Variants in PCTP observed in about 807,000 individuals in gnomAD.
PCTP encodes the protein phosphatidylcholine transfer protein, also known as START domain-containing protein 2.
PCTP carries 27 observed loss-of-function variants against 31.0 expected under a neutral mutation model. The ratio of observed to expected loss-of-function variants is 0.87; its 90% CI spans 0.64 to 1.20. The LOEUF is 1.20. Among genes scored for constraint, PCTP ranks in the 50% most tolerant of loss-of-function variants. PCTP has a pLI of 0.00. For missense variants in PCTP, 287 were observed against 268.2 expected, an observed-to-expected ratio of 1.07 and a Z score of -0.49; for synonymous variants, 108 against 101.2, an observed-to-expected ratio of 1.07 and a Z score of -0.40.
chr17:55,847,937 T>G, the PCTP span, among the ~76,000 whole-genome samples: 11 of 152,268 alleles, frequency 7.2e-5, no homozygotes, highest in South Asian at 1.5e-3. Flanking sequence ...TTTTGTTTTT[T>G]TTTGAGACAG....
intron 2 of PCTP, 66 bp from the exon 3 acceptor site, chr17:55,771,040 T>C: frequency 1.6e-6 from 2 of 1,260,584 alleles, no homozygotes; most frequent in Non-Finnish European, 2.3e-6. Flanking sequence ...GCCTAAGAGG[T>C]CATACCCTTA....
rs79160487 is a variant in PCTP at position 55,795,318 on chromosome 17, C to T, written c.317+7664C>T. Among the ~76,000 whole-genome samples, 483 of 152,036 alleles carry T rather than the reference C, an allele frequency of 3.2e-3. 2 individuals carry two copies. The highest frequency in any genetic ancestry group is 0.011 in the African/African-American group (441 of 41,498). ...GCTTAAATTTAGGTCTGCACTCAAA[C>T]GAGAAAAATACTTGAGTATCAGTCA... On this transcript the variant is annotated intron_variant, in intron 3 of 3. Coordinates refer to the PCTP transcript ENST00000572536.
chr17:55,845,760 C>A (rs1196523692), downstream of PCTP, among the ~76,000 whole-genome samples: 4 of 152,092 alleles, frequency 2.6e-5, no homozygotes, highest in East Asian at 7.7e-4. Flanking sequence ...CGAGCCCCCC[C>A]GTGAGGCCCC....
downstream of PCTP, among the ~76,000 whole-genome samples, chr17:55,779,942 C>T (rs943787676): frequency 6.6e-5 from 10 of 152,166 alleles, no homozygotes; most frequent in African/African-American, 2.4e-4. Flanking sequence ...GCATACCCTC[C>T]CACACATCTG....
rs1174668952 is a variant in PCTP, at chr17:55,791,290, C to A, written c.317+3636C>A. 2.6e-5 allele frequency among the ~76,000 whole-genome samples: 4 copies of A among 151,408 alleles called. No individual in the cohort carries two copies. In the South Asian group the frequency reaches 6.3e-4, roughly 24 times the overall value. ...ACACCAACAGCAATGGCAACAAAAGCCAAAATTGACAAATGGGATCTAATT... is the reference window on the plus strand; with the variant it reads ...ACACCAACAGCAATGGCAACAAAAGACAAAATTGACAAATGGGATCTAATT... On this transcript the variant is annotated intron_variant, in intron 3 of 3. Transcript: ENST00000572536.
intron 3 of PCTP, among the ~76,000 whole-genome samples, chr17:55,792,255 A>G (rs1489451780): frequency 6.7e-6 from 1 of 150,340 alleles, no homozygotes; most frequent in Non-Finnish European, 1.5e-5. Context: ...ATGTATACAT[A>G]TGTAACTAAC....
intron 3 of PCTP, among the ~76,000 whole-genome samples, chr17:55,806,054 A>G (rs1219796440): frequency 1.3e-5 from 2 of 152,142 alleles, no homozygotes; most frequent in African/African-American, 4.8e-5. Context: ...CCTTAGAAAG[A>G]TAAATAACTT....
intron 1 of PCTP, among the ~76,000 whole-genome samples, chr17:55,766,963 G>A (rs1240671482): frequency 6.6e-6 from 1 of 152,176 alleles, no homozygotes; most frequent in Non-Finnish European, 1.5e-5. Context: ...TCTAACTGGT[G>A]TGAGATGGTA....
intron 3 of PCTP, among the ~76,000 whole-genome samples, chr17:55,799,775 C>CA (rs200957193): frequency 0.042 from 6,423 of 152,128 alleles, 442 homozygotes; most frequent in African/African-American, 0.14. Flanking sequence ...CTGGTGGTGA[C>CA]AAAATCTCTC....
intron 3 of PCTP, among the ~76,000 whole-genome samples, chr17:55,820,413 G>T (rs924713932): frequency 4.6e-5 from 7 of 152,306 alleles, no homozygotes; most frequent in African/African-American, 1.7e-4. Context: ...GGTGAGAGCT[G>T]CTCTGGGCTT....
chr17:55,772,019 C>T (rs555944982), intron 3 of PCTP, among the ~76,000 whole-genome samples: 38 of 152,320 alleles, frequency 2.5e-4, no homozygotes, highest in African/African-American at 8.9e-4. Context: ...GCCAACACTT[C>T]AAAGGTGTTC....
chr17:55,780,532 T>A (rs1422545178), downstream of PCTP, among the ~76,000 whole-genome samples: 1 of 152,234 alleles, frequency 6.6e-6, no homozygotes, highest in Admixed American at 6.5e-5. Context: ...TGTGCACATA[T>A]TCCATGTCCT....
At chr17:55,818,903 T>G (rs1235027747) in intron 3 of PCTP, among the ~76,000 whole-genome samples, 1 of 144,266 alleles carries the variant, frequency 6.9e-6, no homozygotes, top group Non-Finnish European at 1.5e-5. Context: ...AGGGAGGAGG[T>G]GGCAGATGCT....
chr17:55,789,527 A>G (rs1369929488), intron 3 of PCTP, among the ~76,000 whole-genome samples: 1 of 152,160 alleles, frequency 6.6e-6, no homozygotes, highest in Non-Finnish European at 1.5e-5. Flanking sequence ...TGTGTCTGCA[A>G]TGTTATCTCC....
chr17:55,845,615 C>T (rs986521619), downstream of PCTP, among the ~76,000 whole-genome samples: 1 of 152,196 alleles, frequency 6.6e-6, no homozygotes, highest in African/African-American at 2.4e-5. Context: ...CTCCCCCACC[C>T]CGCCGTGGGA....
chr17:55,828,980 G>A (rs1341000559), intron 5 of PCTP, among the ~76,000 whole-genome samples: 1 of 152,158 alleles, frequency 6.6e-6, no homozygotes, highest in East Asian at 1.9e-4. Flanking sequence ...AAGAGATGCA[G>A]AAGGAGAAAG....
intron 1 of PCTP, among the ~76,000 whole-genome samples, chr17:55,762,157 C>T (rs1910372632): frequency 6.6e-6 from 1 of 152,088 alleles, no homozygotes; most frequent in African/African-American, 2.4e-5. Context: ...TTTCCCTGAG[C>T]CCAGCCTGTT....
At chr17:55,780,989 C>T (rs141248129), downstream of PCTP, among the ~76,000 whole-genome samples, 1 of 149,650 alleles carries the variant, frequency 6.7e-6, no homozygotes, top group Admixed American at 6.7e-5. Flanking sequence ...AAATAGACTT[C>T]TTTCTTATTT....
Position 55,818,021 on chromosome 17 carries a change from C to T in PCTP, c.318-4740C>T, listed in dbSNP as rs566972830. On this transcript the variant is annotated intron_variant, in intron 3 of 3. Coordinates refer to the PCTP transcript ENST00000572536. Reference sequence around the variant, plus strand: ...AGTAAGACCTAAGTTTGGTGAGTACCATGATACAGGTATGTACAGGATATG... The same window carrying T: ...AGTAAGACCTAAGTTTGGTGAGTACTATGATACAGGTATGTACAGGATATG... 3.7e-4 allele frequency among the ~76,000 whole-genome samples: 56 copies of T among 152,230 alleles called. 1 individual carries two copies. The South Asian group carries it at 0.011, about 29-fold the overall frequency.
Sources: allele counts gnomAD v4.1 joint callset (sites outside exome capture counted in the v4.1 genomes callset), GRCh38; gene constraint gnomAD v4.1.1; transcripts MANE v1.5; gene names NCBI Gene and HGNC (gene_info 2026-07-23, HGNC 2026-07-21).